KIF16B: variants seen among roughly 807,000 people sequenced by gnomAD.
KIF16B encodes the protein kinesin-like protein KIF16B.
KIF16B carries 98 observed loss-of-function variants against 156.3 expected under a neutral mutation model. That is an observed-to-expected ratio of 0.63 (90% CI 0.53 to 0.74). The LOEUF (loss-of-function observed/expected upper bound fraction) is 0.74. Among genes scored for constraint, KIF16B ranks in the 30% least tolerant of loss-of-function variants. The pLI, the probability that KIF16B is intolerant of heterozygous loss-of-function variation, is 0.00. For missense variants in KIF16B, 1,421 were observed against 1,606.5 expected (o/e 0.88, Z 1.97); for synonymous variants, 564 against 583.7 (o/e 0.97, Z 0.49).
At chr20:16,520,214 G>T (rs1479243685) in intron 3 of KIF16B, among the ~76,000 whole-genome samples, 1 of 151,974 alleles carries the variant, frequency 6.6e-6, no homozygotes, top group Non-Finnish European at 1.5e-5. Flanking sequence ...CTGAAGCCAG[G>T]GAGCCAAGTG....
In KIF16B at chr20:16,380,101, T is replaced by C. The variant is rs757433772; in HGVS notation, c.1901A>G (p.Gln634Arg). Residue 634 changes from glutamine to arginine, a missense_variant, in exon 19 of 26, where the codon CAG becomes CGG. Transcript: ENST00000354981. ...KSDKAELERM[Q>R]QEVETQRKET... Reference sequence around the variant, plus strand: ...CTTGCGCTGGGTCTCCACCTCCTGCTGCATCCGCTCCAGTTCAGCCTTGTC... The same window carrying C: ...CTTGCGCTGGGTCTCCACCTCCTGCCGCATCCGCTCCAGTTCAGCCTTGTC... The C allele has an allele frequency of 2.0e-6, 3 of 1,528,454 alleles. No homozygotes were observed. Among genetic ancestry groups the C allele is most frequent in the Non-Finnish European group, 2.6e-6 (3 of 1,143,306 alleles). The allele number at this position is 1,528,454 out of a possible 1,614,324, so 94.7% of individuals were successfully genotyped here. A position where few individuals can be genotyped will look rare whatever the true frequency, so the allele number is the denominator to read the frequency against.
chr20:16,492,950 G>T (rs75123229), intron 12 of KIF16B, among the ~76,000 whole-genome samples: 16 of 151,904 alleles, frequency 1.1e-4, no homozygotes, highest in Admixed American at 1.0e-3. Context: ...CCTCTTACAG[G>T]GAATGCAACT....
rs561435348 is a variant in KIF16B, at chr20:16,372,146, T to A, written c.3351-385A>T. Among the ~76,000 whole-genome samples the A allele has an allele frequency of 1.6e-4, 24 of 152,282 alleles. 1 individual carries two copies. In the Middle Eastern group the frequency reaches 0.017, roughly 108 times the overall value. On this transcript the variant is annotated intron_variant, in intron 20 of 25. Coordinates refer to ENST00000354981, the MANE Select transcript of KIF16B (RefSeq NM_024704.5). ...TTCATTCAGAGCCTTGGGTTCCTCA[T>A]ACAGAAAAGGATAATACAGATGATA... is the stretch of plus-strand genomic sequence containing the variant.
At chr20:16,302,434 A>G (rs2063485584) in intron 25 of KIF16B, among the ~76,000 whole-genome samples, 1 of 152,344 alleles carries the variant, frequency 6.6e-6, no homozygotes, top group Admixed American at 6.5e-5. Context: ...ATAATTAATT[A>G]TATCTATTTC....
intron 2 of KIF16B, among the ~76,000 whole-genome samples, chr20:16,528,169 T>C (rs1429071904): frequency 6.6e-6 from 1 of 152,138 alleles, no homozygotes; most frequent in African/African-American, 2.4e-5. Flanking sequence ...CCAGATCAAA[T>C]AAAGCCAGGA....
chr20:16,360,925 T>C (rs1170159258), intron 22 of KIF16B, among the ~76,000 whole-genome samples: 4 of 152,298 alleles, frequency 2.6e-5, no homozygotes, highest in Admixed American at 2.0e-4. Flanking sequence ...TCAGAGAACA[T>C]GAAACGGTCC....
At chr20:16,283,435 CT>C (rs34501443) in intron 25 of KIF16B, among the ~76,000 whole-genome samples, 4,868 of 152,268 alleles carry the variant, frequency 0.032, 80 homozygotes, top group Middle Eastern at 0.037. Flanking sequence ...TGCTTGGTGA[CT>C]GGCAGTTGCC....
At chr20:16,445,419 C>CGTGTGTGT (rs11467171) in intron 12 of KIF16B, among the ~76,000 whole-genome samples, 29,552 of 146,714 alleles carry the variant, frequency 0.2, 3,031 homozygotes, top group East Asian at 0.28. Context: ...CATGTATATA[C>CGTGTGTGT]GTGTGTGTGT....
intron 12 of KIF16B, among the ~76,000 whole-genome samples, chr20:16,492,464 A>G (rs1274907298): frequency 6.6e-6 from 1 of 152,258 alleles, no homozygotes; most frequent in Non-Finnish European, 1.5e-5. Flanking sequence ...CCTTTCTCAT[A>G]AAGTTTAACA....
intron 22 of KIF16B, chr20:16,366,901 C>G: frequency 8.3e-7 from 1 of 1,208,586 alleles, no homozygotes; most frequent in Non-Finnish European, 1.0e-6. Flanking sequence ...AATTTACAAG[C>G]CTGAGTTTCA....
intron 12 of KIF16B, among the ~76,000 whole-genome samples, chr20:16,457,000 A>G (rs1449127719): frequency 6.6e-6 from 1 of 152,168 alleles, no homozygotes; most frequent in Non-Finnish European, 1.5e-5. Flanking sequence ...GACAAAAACA[A>G]TGATGATAAC....
chr20:16,427,696 C>G (rs2066392516), intron 14 of KIF16B, among the ~76,000 whole-genome samples: 1 of 152,044 alleles, frequency 6.6e-6, no homozygotes, highest in Non-Finnish European at 1.5e-5. Context: ...ACTCCAGGAG[C>G]AGAAACCCAA....
chr20:16,395,604 C>T (rs1406164800), intron 17 of KIF16B, among the ~76,000 whole-genome samples: 1 of 151,978 alleles, frequency 6.6e-6, no homozygotes, highest in Non-Finnish European at 1.5e-5. Context: ...CTGAAAGCAC[C>T]AGGAAGGCGG....
At chr20:16,470,624 C>G (rs957072317) in intron 12 of KIF16B, among the ~76,000 whole-genome samples, 3 of 151,866 alleles carry the variant, frequency 2.0e-5, no homozygotes, top group Admixed American at 2.0e-4. Context: ...GCTGGAACTA[C>G]AGGCATGCAC....
intron 12 of KIF16B, among the ~76,000 whole-genome samples, chr20:16,472,895 A>G (rs1040976793): frequency 3.9e-5 from 6 of 152,328 alleles, no homozygotes; most frequent in Non-Finnish European, 4.4e-5. Context: ...TGATAGACCA[A>G]CCTTAGAAAC....
intron 12 of KIF16B, among the ~76,000 whole-genome samples, chr20:16,459,606 T>A (rs915953068): frequency 4.6e-5 from 7 of 152,162 alleles, no homozygotes; most frequent in Non-Finnish European, 1.0e-4. Flanking sequence ...GCTGCTTTCA[T>A]CCTCCACCAA....
chr20:16,484,018 A>G (rs1340522289), intron 12 of KIF16B, among the ~76,000 whole-genome samples: 5 of 143,822 alleles, frequency 3.5e-5, no homozygotes, highest in Non-Finnish European at 7.4e-5. Flanking sequence ...CATATGACCA[A>G]TCTTTTCCTC....
intron 15 of KIF16B, among the ~76,000 whole-genome samples, chr20:16,423,693 G>C (rs1040467355): frequency 5.9e-5 from 9 of 152,136 alleles, no homozygotes; most frequent in Admixed American, 5.9e-4. Context: ...CTCTCCCTGG[G>C]AAAAGAGGAC....
At chr20:16,533,116 T>C (rs185214883) in intron 1 of KIF16B, among the ~76,000 whole-genome samples, 7 of 152,338 alleles carry the variant, frequency 4.6e-5, no homozygotes, top group African/African-American at 1.7e-4. Context: ...CAGGTAGGTT[T>C]TGAAGGTTTC....
Sources: allele counts gnomAD v4.1 joint callset (sites outside exome capture counted in the v4.1 genomes callset), GRCh38; gene constraint gnomAD v4.1.1; transcripts MANE v1.5; gene names NCBI Gene and HGNC (gene_info 2026-07-23, HGNC 2026-07-21).